The following CDYL variants were observed in gnomAD, a reference collection of about 807,000 sequenced individuals.
CDYL encodes the protein chromodomain Y like, also known as chromodomain Y-like protein.
CDYL carries 8 observed loss-of-function variants against 47.3 expected under a neutral mutation model. The observed-to-expected ratio is 0.17, with a 90% CI of 0.10 to 0.31. The LOEUF (loss-of-function observed/expected upper bound fraction) is 0.31, where lower values mean the gene tolerates loss of function less well. Ranked by LOEUF, CDYL falls within the 10% of genes least tolerant of loss-of-function variation. The pLI, the probability that CDYL is intolerant of heterozygous loss-of-function variation, is 1.00. For synonymous variants in CDYL, 266 were observed against 265.0 expected (o/e 1.00, Z -0.04); for missense variants, 471 against 701.4 (o/e 0.67, Z 3.71).
intron 1 of CDYL, among the ~76,000 whole-genome samples, chr6:4,799,268 C>G (rs1759158657): frequency 6.6e-6 from 1 of 151,974 alleles, no homozygotes; most frequent in Non-Finnish European, 1.5e-5. Context: ...AGCACATTTC[C>G]TATAAGATTT....
At chr6:4,811,000 T>G (rs1051879448) in intron 1 of CDYL, among the ~76,000 whole-genome samples, 7 of 152,184 alleles carry the variant, frequency 4.6e-5, no homozygotes, top group African/African-American at 1.4e-4. Flanking sequence ...CTTCAGTAAA[T>G]AGAGAAAGAG....
intron 2 of CDYL, among the ~76,000 whole-genome samples, chr6:4,932,336 T>C (rs1758055873): frequency 6.6e-6 from 1 of 152,164 alleles, no homozygotes; most frequent in African/African-American, 2.4e-5. Context: ...TTCTGCAGCA[T>C]CATCACAGGG....
At chr6:4,916,184 A>G (rs1561706883) in intron 2 of CDYL, among the ~76,000 whole-genome samples, 1 of 152,252 alleles carries the variant, frequency 6.6e-6, no homozygotes, top group South Asian at 2.1e-4. Context: ...TGTCAGGGCC[A>G]TGATCCTTAA....
intron 1 of CDYL, among the ~76,000 whole-genome samples, chr6:4,845,082 A>G (rs1352351908): frequency 3.3e-5 from 5 of 152,188 alleles, no homozygotes; most frequent in East Asian, 3.8e-4. Flanking sequence ...ATTATTGTAC[A>G]TTGCTCTATA....
At chr6:4,797,454 C>T (rs1759105609) in intron 1 of CDYL, among the ~76,000 whole-genome samples, 1 of 149,350 alleles carries the variant, frequency 6.7e-6, no homozygotes, top group Admixed American at 6.7e-5. Flanking sequence ...ATATAGTTCA[C>T]ATACCGTAGA....
chr6:4,892,420 A>T (rs892866682), intron 2 of CDYL, 41 bp downstream of exon 2: 1 of 1,544,134 alleles, frequency 6.5e-7, no homozygotes, highest in Non-Finnish European at 8.7e-7. Context: ...TGGTGATCCC[A>T]GAGGGCTCGG....
At chr6:4,924,710 C>T (rs1023374499) in intron 2 of CDYL, among the ~76,000 whole-genome samples, 6 of 152,112 alleles carry the variant, frequency 3.9e-5, no homozygotes, top group Non-Finnish European at 8.8e-5. Context: ...AAAAAATGAA[C>T]GACTTCGATA....
intron 1 of CDYL, among the ~76,000 whole-genome samples, chr6:4,814,500 G>A (rs1039930175): frequency 3.3e-5 from 5 of 152,050 alleles, no homozygotes; most frequent in African/African-American, 1.2e-4. Context: ...GAAAAGTAGA[G>A]TTTACAGACA....
At chr6:4,927,041 A>G (rs1334302660) in intron 2 of CDYL, among the ~76,000 whole-genome samples, 1 of 152,216 alleles carries the variant, frequency 6.6e-6, no homozygotes, top group Admixed American at 6.5e-5. Context: ...TAATAGCTAT[A>G]TAATATCGTG....
intron 1 of CDYL, among the ~76,000 whole-genome samples, chr6:4,887,219 C>T (rs549324542): frequency 6.6e-6 from 1 of 152,196 alleles, no homozygotes; most frequent in East Asian, 1.9e-4. Flanking sequence ...GATTAGCATG[C>T]CAGTTTCTAC....
chr6:4,735,155 G>T (rs936115016), intron 3 of CDYL, among the ~76,000 whole-genome samples: 4 of 151,956 alleles, frequency 2.6e-5, no homozygotes, highest in Non-Finnish European at 5.9e-5. Context: ...GCGTGGTGGC[G>T]CATGCCTGTA....
At chr6:4,889,758 T>G (rs1181575059) in intron 1 of CDYL, among the ~76,000 whole-genome samples, 3 of 152,174 alleles carry the variant, frequency 2.0e-5, no homozygotes, top group African/African-American at 7.2e-5. Flanking sequence ...TTTGGCAGTT[T>G]ATGTAAAGTT....
chr6:4,925,266 A>G (rs1485745060), intron 2 of CDYL, among the ~76,000 whole-genome samples: 1 of 152,200 alleles, frequency 6.6e-6, no homozygotes, highest in Non-Finnish European at 1.5e-5. Context: ...ACAAAACATG[A>G]TTGAAGTCCT....
intron 1 of CDYL, among the ~76,000 whole-genome samples, chr6:4,887,036 A>G (rs893299905): frequency 3.9e-5 from 6 of 152,356 alleles, no homozygotes; most frequent in Admixed American, 2.6e-4. Context: ...AGAGCCTTCT[A>G]TTCCATTAGG....
At chr6:4,942,249 C>G (rs999343213) in intron 4 of CDYL, among the ~76,000 whole-genome samples, 1 of 152,120 alleles carries the variant, frequency 6.6e-6, no homozygotes, top group Admixed American at 6.5e-5. Context: ...GAGGTCCAGC[C>G]GCTAAACTCT....
At position 4,952,359 on chromosome 6, in the gene CDYL, A is replaced by G; in HGVS notation, c.1426A>G (p.Thr476Ala). Residue 476 changes from threonine (T) to alanine (A), a missense_variant, in exon 6 of 7, where the codon ACT becomes GCT. Physicochemically the swap from Thr to Ala is moderately conservative, Grantham distance 58 (BLOSUM62 0). Around this residue, in one of 3 missense-constraint regions of CDYL, gnomAD observed 103 missense variants for 277.1 expected, o/e 0.37. Transcript: ENST00000397588. ...CCAGGTGTTTTGGCCCGGGACGTTC[A>G]CTCAGGAAGTGATGGTTCGCATTAA... ...VSQVFWPGTF[T>A]QEVMVRIKEL... The G allele has an allele frequency of 6.2e-7, 1 of 1,614,162 alleles. No homozygotes were observed. The highest frequency in any genetic ancestry group is 8.5e-7 in the Non-Finnish European group (1 of 1,180,036).
At chr6:4,830,548 T>A (rs1004722020) in intron 1 of CDYL, among the ~76,000 whole-genome samples, 1 of 152,210 alleles carries the variant, frequency 6.6e-6, no homozygotes, top group Non-Finnish European at 1.5e-5. Flanking sequence ...TCTGGAAACT[T>A]TGAAATATGT....
intron 1 of CDYL, among the ~76,000 whole-genome samples, chr6:4,844,467 C>T (rs1316901603): frequency 1.3e-5 from 2 of 152,150 alleles, no homozygotes; most frequent in African/African-American, 2.4e-5. Context: ...TTTCCTGGTA[C>T]GTTCCTGCCG....
chr6:4,744,705 A>G (rs1337218663), intron 3 of CDYL, among the ~76,000 whole-genome samples: 1 of 152,190 alleles, frequency 6.6e-6, no homozygotes, highest in Non-Finnish European at 1.5e-5. Context: ...CATTTTACAG[A>G]TAAGGAAACT....
Sources: gnomAD v4.1 joint callset for allele counts (sites outside exome capture counted in the v4.1 genomes callset) on GRCh38, gnomAD v4.1.1 for gene constraint, gnomAD v4.1.1 regional missense constraint, MANE v1.5 for transcripts, NCBI Gene and HGNC (gene_info 2026-07-23, HGNC 2026-07-21) for gene names.